CFAP43: variants seen among roughly 807,000 people sequenced by gnomAD.
The protein encoded by CFAP43 is cilia and flagella associated protein 43, also known as cilia- and flagella-associated protein 43.
A neutral mutation model predicts 218.9 loss-of-function variants in CFAP43; 155 were observed. The observed-to-expected ratio is 0.71, with a 90% CI of 0.62 to 0.81. The LOEUF is 0.81. Among genes scored for constraint, CFAP43 ranks in the 30% least tolerant of loss-of-function variants. The pLI, the probability that CFAP43 is intolerant of heterozygous loss-of-function variation, is 0.00. For synonymous variants in CFAP43, 645 were observed against 681.3 expected, an observed-to-expected ratio of 0.95 and a Z score of 0.83; for missense variants, 1,778 against 1,954.3, an observed-to-expected ratio of 0.91 and a Z score of 1.70.
intron 27 of CFAP43, 87 bp from the exon 28 acceptor site, chr10:104,152,813 G>A: frequency 6.9e-6 from 10 of 1,444,066 alleles, no homozygotes; most frequent in Non-Finnish European, 9.3e-6. Flanking sequence ...CAAGGGAGGG[G>A]CAGATGGAGG....
Position 104,143,534 on chromosome 10 carries a change from T to C in CFAP43, c.4050A>G (p.Lys1350=), listed in dbSNP as rs140890368. Reference sequence around the variant, plus strand: ...TAATATTGTCCAACTCATCCATAGCTTTCATTAACTGGGCAAAGGCATCCT... The same window carrying C: ...TAATATTGTCCAACTCATCCATAGCCTTCATTAACTGGGCAAAGGCATCCT... ...LNKDAFAQLM[K]AMDELDNISN... is the part of the protein sequence containing the mutation. Residue 1350 remains lysine (K), a synonymous_variant, in exon 32 of 38, where the codon AAA becomes AAG. Coordinates refer to ENST00000357060, the MANE Select transcript of CFAP43 (RefSeq NM_025145.7). The C allele has an allele frequency of 3.7e-6, 6 of 1,614,108 alleles. No homozygotes were observed. In the African/African-American group the frequency reaches 6.7e-5, roughly 18 times the overall value.
At chr10:104,198,357 A>G (rs2090436272) in intron 8 of CFAP43, among the ~76,000 whole-genome samples, 1 of 152,180 alleles carries the variant, frequency 6.6e-6, no homozygotes, top group South Asian at 2.1e-4. Context: ...ATCTCAGCTC[A>G]CTGCAACTTC....
chr10:104,220,306 C>T (rs370755842), intron 3 of CFAP43, among the ~76,000 whole-genome samples: 4 of 152,260 alleles, frequency 2.6e-5, no homozygotes, highest in South Asian at 2.1e-4. Context: ...AGGCAATATA[C>T]GCATGCTGTT....
At position 104,214,261 on chromosome 10, in the gene CFAP43, T is replaced by C; in HGVS notation, c.582A>G (p.Ala194=). 6.3e-7 allele frequency: 1 copy of C among 1,587,142 alleles called. No individual in the cohort carries two copies. The highest frequency in any genetic ancestry group is 8.6e-7 in the Non-Finnish European group (1 of 1,167,684). Residue 194 remains alanine, a splice_region_variant and synonymous_variant, in exon 4 of 38, where the codon GCA becomes GCG. Coordinates refer to ENST00000357060, the MANE Select transcript of CFAP43 (RefSeq NM_025145.7). ...ERSNQEHCFR[A]RSVKLPLEDG... Reference sequence around the variant, plus strand: ...ACTGTTGTAACAAAGGCTCCTACCTTGCTCTGAAACAATGCTCCTGGTTAC... The same window carrying C: ...ACTGTTGTAACAAAGGCTCCTACCTCGCTCTGAAACAATGCTCCTGGTTAC...
chr10:104,182,002 T>C (rs1017541646), intron 17 of CFAP43, among the ~76,000 whole-genome samples: 1 of 152,196 alleles, frequency 6.6e-6, no homozygotes, highest in Non-Finnish European at 1.5e-5. Flanking sequence ...CTATAAATAT[T>C]TGTTAATTGA....
chr10:104,219,279 G>A (rs559905319), intron 3 of CFAP43, among the ~76,000 whole-genome samples: 1 of 152,106 alleles, frequency 6.6e-6, no homozygotes, highest in East Asian at 1.9e-4. Context: ...GTCTCATGAT[G>A]CTACCTCCTA....
chr10:104,229,018 C>T (rs147344428), intron 2 of CFAP43, among the ~76,000 whole-genome samples: 7 of 152,226 alleles, frequency 4.6e-5, no homozygotes, highest in Admixed American at 2.6e-4. Context: ...TTTGAACTAA[C>T]TTTCAATTGG....
At chr10:104,159,492 C>A (rs947748446) in intron 27 of CFAP43, among the ~76,000 whole-genome samples, 1 of 151,990 alleles carries the variant, frequency 6.6e-6, no homozygotes, top group African/African-American at 2.4e-5. Flanking sequence ...AGAGGGTAAA[C>A]TGATGAGTAA....
rs7094211 is a variant in CFAP43 at position 104,226,379 on chromosome 10, G to A, written c.320-822C>T. 2.9e-3 allele frequency among the ~76,000 whole-genome samples: 447 copies of A among 151,814 alleles called. 2 individuals are homozygous for A. The highest frequency in any genetic ancestry group is 0.01 in the African/African-American group (417 of 41,408). ...TTTTGTCATTTATTGAATATATTTA[G>A]CATAGTCTAATCAACAAAGAAAAAA... On this transcript the variant is annotated intron_variant, in intron 2 of 37. Coordinates refer to ENST00000357060, the MANE Select transcript of CFAP43 (RefSeq NM_025145.7).
At chr10:104,166,863 T>G (rs1320918140) in intron 22 of CFAP43, 145 bp from the exon 23 acceptor site, 2 of 674,048 alleles carry the variant, frequency 3.0e-6, no homozygotes, top group Non-Finnish European at 5.0e-6. Flanking sequence ...GATGAATAGA[T>G]CCCAGAACTG....
At position 104,185,053 on chromosome 10, in the gene CFAP43, C is replaced by T. The variant is rs887025164; in HGVS notation, c.2104G>A (p.Gly702Arg). ...TAGACAAGGGTGCCATCATCTCTCCCATTCACCAGAATGTTTTGTCCATCC... is the reference window on the plus strand; with the variant it reads ...TAGACAAGGGTGCCATCATCTCTCCTATTCACCAGAATGTTTTGTCCATCC... ...SMDGQNILVN[G>R]RDDGTLVYLK... Residue 702 changes from glycine (G) to arginine (R), a missense_variant, in exon 16 of 38, where the codon GGG becomes AGG. Coordinates refer to ENST00000357060, the MANE Select transcript of CFAP43 (RefSeq NM_025145.7). The T allele has an allele frequency of 1.2e-6, 2 of 1,614,026 alleles. No individual in the cohort carries two copies. Among genetic ancestry groups the T allele is most frequent in the African/African-American group, 2.7e-5 (2 of 74,920 alleles).
At chr10:104,167,799 G>T in intron 21 of CFAP43, 62 bp from the exon 22 acceptor site, 2 of 1,218,872 alleles carry the variant, frequency 1.6e-6, no homozygotes, top group Non-Finnish European at 1.2e-6. Context: ...TGTATCTGGG[G>T]TTGAGTAGGG....
At chr10:104,178,951 G>T in intron 19 of CFAP43, 78 bp downstream of exon 19, 1 of 1,101,892 alleles carries the variant, frequency 9.1e-7, no homozygotes, top group Non-Finnish European at 1.3e-6. Flanking sequence ...AGTTCCTCAG[G>T]GTAGAACAAA....
At chr10:104,161,932 C>T (rs754101834) in intron 26 of CFAP43, 29 bp downstream of exon 26, 12 of 1,598,786 alleles carry the variant, frequency 7.5e-6, no homozygotes, top group Non-Finnish European at 9.4e-6. Flanking sequence ...CCCCATTCCA[C>T]CTTCTATAAG....
At chr10:104,211,660 GA>G (rs2090867052) in intron 5 of CFAP43, among the ~76,000 whole-genome samples, 1 of 152,118 alleles carries the variant, frequency 6.6e-6, no homozygotes, top group Non-Finnish European at 1.5e-5. Context: ...CTGTGAGAAT[GA>G]CACTGACAGT....
At chr10:104,224,467 A>T (rs1189219096) in intron 3 of CFAP43, among the ~76,000 whole-genome samples, 1 of 152,020 alleles carries the variant, frequency 6.6e-6, no homozygotes, top group Non-Finnish European at 1.5e-5. Context: ...AAGCTGTTTT[A>T]AAAAAATTTT....
chr10:104,195,264 A>C (rs1310620363), intron 10 of CFAP43, among the ~76,000 whole-genome samples: 3 of 152,140 alleles, frequency 2.0e-5, no homozygotes, highest in Non-Finnish European at 4.4e-5. Context: ...CTATAGGGTA[A>C]TGGTACCTGT....
chr10:104,162,269 C>T, intron 25 of CFAP43, 48 bp downstream of exon 25: 1 of 1,543,100 alleles, frequency 6.5e-7, no homozygotes, highest in East Asian at 2.2e-5. Context: ...AAGCAGTATC[C>T]CTAAAGCAAA....
intron 27 of CFAP43, among the ~76,000 whole-genome samples, chr10:104,160,721 G>A (rs954391896): frequency 6.6e-6 from 1 of 152,138 alleles, no homozygotes; most frequent in African/African-American, 2.4e-5. Flanking sequence ...ATACCTTGCC[G>A]TGACTTGAAC....
Sources: allele counts gnomAD v4.1 joint callset (sites outside exome capture counted in the v4.1 genomes callset), GRCh38; gene constraint gnomAD v4.1.1; transcripts MANE v1.5; gene names NCBI Gene and HGNC (gene_info 2026-07-23, HGNC 2026-07-21).